F13B: variants seen among roughly 807,000 people sequenced by gnomAD.
The protein encoded by F13B is coagulation factor XIII B chain.
In F13B, 58 loss-of-function variants were observed where a neutral mutation model predicts 79.8. The ratio of observed to expected loss-of-function variants is 0.73; its 90% CI spans 0.59 to 0.90. The LOEUF is 0.90. F13B is among the 40% of genes least tolerant of loss of function. The pLI, the probability that F13B is intolerant of heterozygous loss-of-function variation, is 0.00. For synonymous variants in F13B, 283 were observed against 260.3 expected (o/e 1.09, Z -0.84); for missense variants, 773 against 777.0 (o/e 0.99, Z 0.06).
At chr1:197,041,266 G>A (rs1469295196) in intron 10 of F13B, among the ~76,000 whole-genome samples, 3 of 152,016 alleles carry the variant, frequency 2.0e-5, no homozygotes. Flanking sequence ...CAAATTTCTA[G>A]TTAAGAAATA....
chr1:197,051,905 T>A (rs1655454595), intron 9 of F13B, among the ~76,000 whole-genome samples: 1 of 152,168 alleles, frequency 6.6e-6, no homozygotes, highest in African/African-American at 2.4e-5. Context: ...TTAAGTTCCA[T>A]GTAGATTCTG....
At chr1:197,040,806 G>A in intron 10 of F13B, 71 bp from the exon 11 acceptor site, 3 of 1,322,830 alleles carry the variant, frequency 2.3e-6, no homozygotes, top group East Asian at 5.0e-5. Context: ...GGTAAGAACA[G>A]GAATCGTTGT....
chr1:197,040,196 T>C (rs886907861), intron 11 of F13B: 1 of 242,470 alleles, frequency 4.1e-6, no homozygotes, highest in Admixed American at 5.2e-5. Context: ...GGAGAAAGTG[T>C]GATTTTTGTC....
chr1:197,044,969 A>T (rs1351697190), intron 10 of F13B, among the ~76,000 whole-genome samples: 3 of 152,186 alleles, frequency 2.0e-5, no homozygotes, highest in Non-Finnish European at 4.4e-5. Context: ...GTAAGGACAA[A>T]GACACTACGT....
rs773314182 is a variant in F13B, at chr1:197,060,886, A to G, written c.628+13T>C. 1 of 1,610,996 alleles carries G rather than the reference A, an allele frequency of 6.2e-7. No homozygotes were observed. The highest frequency in any genetic ancestry group is 1.1e-5 in the South Asian group (1 of 91,012). ...CAGAGTGAGAGTAGATTTTATTCCA[A>G]ATGAGAACCTACTGGTACATTTTGG... On this transcript the variant is annotated intron_variant, in intron 4 of 11. Transcript: ENST00000367412.
At chr1:197,044,044 T>C (rs1295777552) in intron 10 of F13B, among the ~76,000 whole-genome samples, 1 of 150,796 alleles carries the variant, frequency 6.6e-6, no homozygotes, top group East Asian at 1.9e-4. Flanking sequence ...AACTAACTCA[T>C]ATATATATAT....
chr1:197,045,502 A>G (rs1655196196), intron 10 of F13B, among the ~76,000 whole-genome samples: 1 of 152,200 alleles, frequency 6.6e-6, no homozygotes, highest in African/African-American at 2.4e-5. Flanking sequence ...AGGGTCTGAA[A>G]TTGAGGCAAT....
chr1:197,051,081 T>C (rs1477264025), intron 9 of F13B, among the ~76,000 whole-genome samples: 4 of 151,982 alleles, frequency 2.6e-5, no homozygotes, highest in Non-Finnish European at 5.9e-5. Flanking sequence ...ACAGGTGCAT[T>C]TTTCTTTTGT....
intron 8 of F13B, among the ~76,000 whole-genome samples, chr1:197,053,255 G>A (rs1416367819): frequency 6.6e-6 from 1 of 152,064 alleles, no homozygotes; most frequent in Non-Finnish European, 1.5e-5. Flanking sequence ...ATAAAGACAT[G>A]AATTGTATAA....
chr1:197,054,849 G>T (rs1401173134), intron 8 of F13B, among the ~76,000 whole-genome samples: 1 of 151,824 alleles, frequency 6.6e-6, no homozygotes, highest in Admixed American at 6.6e-5. Flanking sequence ...TAGACAATTT[G>T]CCAATTAATA....
At chr1:197,051,380 G>T (rs74763346) in intron 9 of F13B, among the ~76,000 whole-genome samples, 1,647 of 152,132 alleles carry the variant, frequency 0.011, 45 homozygotes, top group East Asian at 0.077. Flanking sequence ...TTCTCCCTAA[G>T]TGTATATGGG....
At chr1:197,058,876 A>C (rs1655741291) in intron 5 of F13B, among the ~76,000 whole-genome samples, 1 of 152,080 alleles carries the variant, frequency 6.6e-6, no homozygotes, top group Admixed American at 6.6e-5. Context: ...GTTTACCGGA[A>C]AAAACAGGCA....
At chr1:197,048,222 A>G (rs2125060063) in intron 10 of F13B, among the ~76,000 whole-genome samples, 1 of 151,960 alleles carries the variant, frequency 6.6e-6, no homozygotes, top group East Asian at 1.9e-4. Context: ...ATATACATGG[A>G]GTATAGTAAC....
rs928709083 is a variant in F13B, at chr1:197,052,684, G to A, written c.1505C>T (p.Ser502Phe). The A allele has an allele frequency of 1.5e-5, 24 of 1,612,074 alleles. No homozygotes were observed. The highest frequency in any genetic ancestry group is 2.0e-5 in the Non-Finnish European group (24 of 1,178,880). Residue 502 changes from serine to phenylalanine, a missense_variant, in exon 9 of 12, where the codon TCT (serine) becomes TTT (phenylalanine). Ser to Phe is a radical substitution (Grantham distance 155). Coordinates refer to ENST00000367412, the MANE Select transcript of F13B (RefSeq NM_001994.3). ...CACTTCTCCTCTGTTGCACTGCACA[G>A]ATAATTCAGACAATGGGGTTAATGG... is the stretch of plus-strand genomic sequence containing the variant. ...LSPLTPLSEL[S>F]VQCNRGEVKY...
chr1:197,052,831 G>A lies in F13B; in HGVS notation c.1358C>T (p.Pro453Leu). ...KWSSPPVCLE[P>L]CTVNVDYMNR... ...CATGTAATCCACATTAACAGTACAT[G>A]GTTCTGTAAAACAAAATGCTCTTTT... Residue 453 changes from proline (P) to leucine (L), a missense_variant, in exon 9 of 12, where the codon CCA (proline) becomes CTA (leucine). Physicochemically the swap from Pro to Leu is moderately conservative, Grantham distance 98. Coordinates refer to ENST00000367412, the MANE Select transcript of F13B (RefSeq NM_001994.3). 6.2e-7 allele frequency: 1 copy of A among 1,605,036 alleles called. No individual in the cohort carries two copies. Among genetic ancestry groups the A allele is most frequent in the Non-Finnish European group, 8.5e-7 (1 of 1,174,690 alleles).
chr1:197,055,579 T>C, intron 8 of F13B, 136 bp downstream of exon 8: 1 of 917,706 alleles, frequency 1.1e-6, no homozygotes, highest in Non-Finnish European at 1.7e-6. Flanking sequence ...TTTAGGGACT[T>C]TCTACTTAAA....
Position 197,045,056 on chromosome 1 carries a change from G to A in F13B, c.1739-4321C>T, listed in dbSNP as rs75341850. Among the ~76,000 whole-genome samples, 265 of 152,190 alleles carry A rather than the reference G, an allele frequency of 1.7e-3. 6 individuals carry two copies. In the East Asian group the frequency reaches 0.044, roughly 25 times the overall value. Reference sequence around the variant, plus strand: ...CACTAAATGCCCACAAGAGAATGCAGGAAAGATCTAAAATCGACACCCTAA... The same window carrying A: ...CACTAAATGCCCACAAGAGAATGCAAGAAAGATCTAAAATCGACACCCTAA... On this transcript the variant is annotated intron_variant, in intron 10 of 11. Coordinates refer to ENST00000367412, the MANE Select transcript of F13B (RefSeq NM_001994.3).
At chr1:197,041,906 T>G (rs1655050661) in intron 10 of F13B, among the ~76,000 whole-genome samples, 1 of 152,204 alleles carries the variant, frequency 6.6e-6, no homozygotes, top group Admixed American at 6.5e-5. Flanking sequence ...CATACATTTA[T>G]TTTTCCTTTC....
At position 197,052,695 on chromosome 1, in the gene F13B, C is replaced by G. The variant is rs1655491516; in HGVS notation, c.1494G>C (p.Leu498Phe). Residue 498 changes from leucine (L) to phenylalanine (F), a missense_variant, in exon 9 of 12, where the codon TTG (leucine) becomes TTC (phenylalanine). Leu to Phe is a conservative substitution (Grantham distance 22). Coordinates refer to ENST00000367412, the MANE Select transcript of F13B (RefSeq NM_001994.3). ...TGTTGCACTGCACAGATAATTCAGA[C>G]AATGGGGTTAATGGAGATAAGTCAT... ...QGYDLSPLTPLSELSVQCNRG... is the reference protein window; with the variant it reads ...QGYDLSPLTPFSELSVQCNRG... 1 of 1,612,058 alleles carries G rather than the reference C, an allele frequency of 6.2e-7. No homozygotes were observed. Among genetic ancestry groups the G allele is most frequent in the Admixed American group, 1.7e-5 (1 of 59,814 alleles).
Sources: allele counts gnomAD v4.1 joint callset (sites outside exome capture counted in the v4.1 genomes callset), GRCh38; gene constraint gnomAD v4.1.1; transcripts MANE v1.5; gene names NCBI Gene and HGNC (gene_info 2026-07-23, HGNC 2026-07-21).